FARP1: variants seen among roughly 807,000 people sequenced by gnomAD.
FARP1 encodes the protein FERM, ARH/RhoGEF and pleckstrin domain protein 1, also known as FERM, ARHGEF and pleckstrin domain-containing protein 1.
FARP1 carries 52 observed loss-of-function variants against 128.8 expected under a neutral mutation model. The observed-to-expected ratio is 0.40, with a 90% CI of 0.32 to 0.51. The LOEUF (loss-of-function observed/expected upper bound fraction) is 0.51. FARP1 is among the 20% of genes least tolerant of loss of function. The pLI, the probability that FARP1 is intolerant of heterozygous loss-of-function variation, is 0.45. For missense variants in FARP1, 1,333 were observed against 1,367.9 expected (o/e 0.97, Z 0.40); for synonymous variants, 580 against 551.8 (o/e 1.05, Z -0.72).
At chr13:98,308,068 T>C (rs1356892633) in intron 2 of FARP1, among the ~76,000 whole-genome samples, 3 of 107,784 alleles carry the variant, frequency 2.8e-5, no homozygotes, top group Non-Finnish European at 5.3e-5. Context: ...TTTTTTTTGC[T>C]AAATGCAGCT....
At position 98,168,153 on chromosome 13, in the gene FARP1, C is replaced by T. The variant is rs577845252; in HGVS notation, c.-24+24661C>T. Among the ~76,000 whole-genome samples the T allele has an allele frequency of 3.4e-3, 491 of 145,156 alleles. 1 individual carries two copies. Among genetic ancestry groups the T allele is most frequent in the African/African-American group, 0.012 (479 of 38,854 alleles). Reference sequence around the variant, plus strand: ...TGCCACTGCACTCCAGCCTGGGTGACAGAGTGAGACTCCATCTCAAAAAAA... The same window carrying T: ...TGCCACTGCACTCCAGCCTGGGTGATAGAGTGAGACTCCATCTCAAAAAAA... On this transcript the variant is annotated intron_variant, in intron 1 of 26. Coordinates refer to ENST00000319562, the MANE Select transcript of FARP1 (RefSeq NM_005766.4).
intron 3 of FARP1, among the ~76,000 whole-genome samples, chr13:98,348,173 C>T (rs72655174): frequency 0.025 from 3,841 of 152,320 alleles, 65 homozygotes; most frequent in Middle Eastern, 0.062. Context: ...TGTCCCAAGG[C>T]TTGTCAATTA....
chr13:98,169,895 TA>T (rs1245231359), intron 1 of FARP1, among the ~76,000 whole-genome samples: 1 of 152,124 alleles, frequency 6.6e-6, no homozygotes, highest in Non-Finnish European at 1.5e-5. Context: ...AAAATTCTTC[TA>T]AAAAAACTTC....
rs191773713 is a variant in FARP1, at chr13:98,163,952, G to A, written c.-24+20460G>A. Among the ~76,000 whole-genome samples, 322 of 151,954 alleles carry A rather than the reference G, an allele frequency of 2.1e-3. 1 individual carries two copies. The highest frequency in any genetic ancestry group is 0.01 in the Middle Eastern group (3 of 292). On this transcript the variant is annotated intron_variant, in intron 1 of 26. Transcript: ENST00000319562. Reference sequence around the variant, plus strand: ...TTGAACTCCTGACCTCAGGTTATCCGCCCGCCTCAGCCTCCCAAAGTGCTG... The same window carrying A: ...TTGAACTCCTGACCTCAGGTTATCCACCCGCCTCAGCCTCCCAAAGTGCTG...
chr13:98,267,855 T>C (rs1884201608), intron 2 of FARP1, among the ~76,000 whole-genome samples: 1 of 152,178 alleles, frequency 6.6e-6, no homozygotes, highest in Non-Finnish European at 1.5e-5. Flanking sequence ...ACACCTCATA[T>C]CCTGTTTCAA....
chr13:98,322,730 T>C (rs1457504703), intron 2 of FARP1, among the ~76,000 whole-genome samples: 1 of 152,234 alleles, frequency 6.6e-6, no homozygotes, highest in Non-Finnish European at 1.5e-5. Flanking sequence ...GAGGACTTTC[T>C]GGTACTGTGC....
Position 98,287,658 on chromosome 13 carries a change from C to T in FARP1, c.172-56104C>T, listed in dbSNP as rs549167061. Among the ~76,000 whole-genome samples the T allele has an allele frequency of 3.3e-4, 50 of 152,198 alleles. 2 individuals carry two copies. The South Asian group carries it at 0.01, about 31-fold the overall frequency. ...GCACATATTTCAACATATTGAATTT[C>T]CTAAGCTACAGTTGATTTCAATTTT... On this transcript the variant is annotated intron_variant, in intron 2 of 26. Coordinates refer to ENST00000319562, the MANE Select transcript of FARP1 (RefSeq NM_005766.4).
rs142615129 is a variant in FARP1 at position 98,388,525 on chromosome 13, C to T, written c.855+47C>T. The T allele has an allele frequency of 6.5e-4, 919 of 1,417,538 alleles. 7 individuals are homozygous for T. In the African/African-American group the frequency reaches 0.01, roughly 16 times the overall value. 87.8% of individuals were successfully genotyped at this position (1,417,538 alleles called of 1,614,324 possible). A position where few individuals can be genotyped will look rare whatever the true frequency, so the allele number is the denominator to read the frequency against. ...GGGGACCCGTTGAGCCATGGGATGG[C>T]GTGTGTCCTGCAAGGGGTGGAGGTC... On this transcript the variant is annotated intron_variant, in intron 9 of 26. Coordinates refer to ENST00000319562, the MANE Select transcript of FARP1 (RefSeq NM_005766.4).
intron 3 of FARP1, among the ~76,000 whole-genome samples, chr13:98,351,610 T>TA (rs67814587): frequency 0.18 from 22,774 of 124,434 alleles, 2,316 homozygotes; most frequent in East Asian, 0.32. Context: ...AGACTCCATC[T>TA]AAAAAAAAAA....
At chr13:98,252,600 C>G (rs1883396773) in intron 2 of FARP1, among the ~76,000 whole-genome samples, 2 of 152,206 alleles carry the variant, frequency 1.3e-5, no homozygotes, top group Non-Finnish European at 2.9e-5. Context: ...GAGATTTCCT[C>G]TCACAGGCTG....
intron 6 of FARP1, among the ~76,000 whole-genome samples, chr13:98,378,452 A>G (rs1889686076): frequency 6.6e-6 from 1 of 152,196 alleles, no homozygotes; most frequent in East Asian, 1.9e-4. Context: ...AGGCTTGCTG[A>G]CAAGCCACCT....
intron 1 of FARP1, among the ~76,000 whole-genome samples, chr13:98,167,486 T>C (rs1877351523): frequency 2.0e-5 from 3 of 149,204 alleles, no homozygotes; most frequent in African/African-American, 7.4e-5. Context: ...CTCAGCTCAA[T>C]GCAGCCTCTG....
intron 3 of FARP1, among the ~76,000 whole-genome samples, chr13:98,355,928 G>T (rs1888619351): frequency 1.3e-5 from 2 of 151,968 alleles, no homozygotes; most frequent in Non-Finnish European, 1.5e-5. Context: ...TTCAATTGTT[G>T]CTTTATTATT....
intron 1 of FARP1, among the ~76,000 whole-genome samples, chr13:98,164,080 G>C (rs1419081376): frequency 1.3e-5 from 2 of 151,568 alleles, no homozygotes; most frequent in Non-Finnish European, 2.9e-5. Context: ...TTGCTTGACT[G>C]TACCTCCATG....
intron 1 of FARP1, among the ~76,000 whole-genome samples, chr13:98,183,151 G>A (rs1878642417): frequency 6.6e-6 from 1 of 152,106 alleles, no homozygotes; most frequent in South Asian, 2.1e-4. Flanking sequence ...ATTATCATTT[G>A]TGTATCTTTG....
intron 1 of FARP1, among the ~76,000 whole-genome samples, chr13:98,211,198 G>A (rs2139317186): frequency 6.6e-6 from 1 of 152,286 alleles, no homozygotes; most frequent in African/African-American, 2.4e-5. Context: ...CCAGATCCTG[G>A]GCCGTGGACC....
chr13:98,308,024 A>ACTCT (rs869143880), intron 2 of FARP1, among the ~76,000 whole-genome samples: 7 of 20,740 alleles, frequency 3.4e-4, no homozygotes, highest in African/African-American at 8.1e-4. Context: ...GCCCGCCCCC[A>ACTCT]CTCTCTCTCT....
At chr13:98,300,625 A>T (rs191650957) in intron 2 of FARP1, among the ~76,000 whole-genome samples, 30 of 152,306 alleles carry the variant, frequency 2.0e-4, no homozygotes, top group Non-Finnish European at 3.5e-4. Context: ...CCATCTCTGC[A>T]GGTGAAGCCA....
At chr13:98,179,784 G>A (rs542710951) in intron 1 of FARP1, among the ~76,000 whole-genome samples, 1 of 152,194 alleles carries the variant, frequency 6.6e-6, no homozygotes, top group East Asian at 1.9e-4. Context: ...GTGAACCCGG[G>A]AGGCAGAGCT....
Sources: allele counts gnomAD v4.1 joint callset (sites outside exome capture counted in the v4.1 genomes callset), GRCh38; gene constraint gnomAD v4.1.1; transcripts MANE v1.5; gene names NCBI Gene and HGNC (gene_info 2026-07-23, HGNC 2026-07-21).